NHLRC2: variants seen among roughly 807,000 people sequenced by gnomAD.
The protein encoded by NHLRC2 is NHL repeat containing 2.
NHLRC2 carries 33 observed loss-of-function variants against 68.1 expected under a neutral mutation model. That is an observed-to-expected ratio of 0.48 (90% CI 0.37 to 0.65). The LOEUF (loss-of-function observed/expected upper bound fraction) is 0.65. Ranked by LOEUF, NHLRC2 falls within the 30% of genes least tolerant of loss-of-function variation. NHLRC2 has a pLI of 0.00. For missense variants in NHLRC2, 761 were observed against 853.8 expected, an observed-to-expected ratio of 0.89 and a Z score of 1.35; for synonymous variants, 311 against 309.6, an observed-to-expected ratio of 1.00 and a Z score of -0.05.
chr10:113,863,283 A>G (rs750993451), intron 2 of NHLRC2, among the ~76,000 whole-genome samples: 30 of 152,192 alleles, frequency 2.0e-4, no homozygotes, highest in African/African-American at 7.2e-4. Flanking sequence ...TTCTGATCAC[A>G]GATGAAGTTA....
intron 5 of NHLRC2, among the ~76,000 whole-genome samples, chr10:113,887,033 C>T (rs1405700106): frequency 6.6e-6 from 1 of 152,030 alleles, no homozygotes; most frequent in Non-Finnish European, 1.5e-5. Context: ...AGAAAACAAC[C>T]TAACTAAAAT....
At position 113,913,843 on chromosome 10, in the gene NHLRC2, T is replaced by G. The variant is rs1037584219; in HGVS notation, c.*5307T>G. On this transcript the variant is annotated 3_prime_UTR_variant, in exon 11 of 11. Transcript: ENST00000369301. The stretch of plus-strand genomic sequence containing the variant: ...CATTAGGTACTTTTTGTTGTTGTTG[T>G]TTTGTTTTTTTTTTTTTTTTTTGAG... The G allele has an allele frequency of 1.4e-5, 2 of 148,026 alleles. No homozygotes were observed. The highest frequency in any genetic ancestry group is 1.3e-4 in the Admixed American group (2 of 14,948). The allele number at this position is 148,026 out of a possible 1,614,324, so 9.2% of individuals were successfully genotyped here. A position where few individuals can be genotyped will look rare whatever the true frequency, so the allele number is the denominator to read the frequency against.
At chr10:113,901,510 A>G (rs1433790513) in intron 6 of NHLRC2, among the ~76,000 whole-genome samples, 156 bp from the exon 7 acceptor site, 2 of 152,240 alleles carry the variant, frequency 1.3e-5, no homozygotes, top group Non-Finnish European at 1.5e-5. Flanking sequence ...TGATAATGAA[A>G]GCTGACTTGA....
chr10:113,864,941 TC>T (rs1334022854), intron 2 of NHLRC2, among the ~76,000 whole-genome samples: 1 of 150,920 alleles, frequency 6.6e-6, no homozygotes, highest in African/African-American at 2.4e-5. Flanking sequence ...ATGCTACAAA[TC>T]AGAGGTTTTT....
At chr10:113,872,362 A>G (rs1400015378) in intron 2 of NHLRC2, among the ~76,000 whole-genome samples, 2 of 152,180 alleles carry the variant, frequency 1.3e-5, no homozygotes, top group African/African-American at 4.8e-5. Flanking sequence ...GGGCACTCTC[A>G]AACTAGGAAC....
At position 113,910,164 on chromosome 10, in the gene NHLRC2, G is replaced by A. The variant is rs1260813013; in HGVS notation, c.*1628G>A. On this transcript the variant is annotated 3_prime_UTR_variant, in exon 11 of 11. Transcript: ENST00000369301. ...ATGAAATGTTCTGTAATAAAAGGGTGTATAACATACTCTCTTTTATGAGAA... is the reference window on the plus strand; with the variant it reads ...ATGAAATGTTCTGTAATAAAAGGGTATATAACATACTCTCTTTTATGAGAA... 1 of 152,124 alleles carries A rather than the reference G, an allele frequency of 6.6e-6. No homozygotes were observed. Among genetic ancestry groups the A allele is most frequent in the Non-Finnish European group, 1.5e-5 (1 of 68,012 alleles). The allele number at this position is 152,124 out of a possible 1,614,324, so 9.4% of individuals were successfully genotyped here.
At chr10:113,868,637 G>A (rs1161028223) in intron 2 of NHLRC2, among the ~76,000 whole-genome samples, 5 of 152,200 alleles carry the variant, frequency 3.3e-5, no homozygotes, top group Admixed American at 2.0e-4. Context: ...AACATGCATG[G>A]GACCTATGTA....
rs371672428 is a variant in NHLRC2, at chr10:113,871,205, G to T, written c.332-5316G>T. Among the ~76,000 whole-genome samples the T allele has an allele frequency of 3.6e-4, 54 of 151,914 alleles. 1 individual carries two copies. Among genetic ancestry groups the T allele is most frequent in the African/African-American group, 1.3e-3 (53 of 41,456 alleles). On this transcript the variant is annotated intron_variant, in intron 2 of 10. Coordinates refer to ENST00000369301, the MANE Select transcript of NHLRC2 (RefSeq NM_198514.4). ...ACGCCCGGCTAATTTTGTATTTTTA[G>T]TAGAGACAGAGTTTCTCCATGTTGG... is the stretch of plus-strand genomic sequence containing the variant.
Position 113,878,047 on chromosome 10 carries a change from CCAAA to C in NHLRC2, c.787+1074_787+1077del, listed in dbSNP as rs1363121368. Among the ~76,000 whole-genome samples, 3 of 152,188 alleles carry C rather than the reference CCAAA, an allele frequency of 2.0e-5. No homozygotes were observed. In the East Asian group the frequency reaches 5.8e-4, roughly 29 times the overall value. ...AGAAACCAGCAGCAAGCTACACTAC[CCAAA>C]CATAGTTCTAGAAATACTGTTATCT... On this transcript the variant is annotated intron_variant, in intron 3 of 10. Coordinates refer to ENST00000369301, the MANE Select transcript of NHLRC2 (RefSeq NM_198514.4).
At chr10:113,867,285 GCA>G (rs1311841318) in intron 2 of NHLRC2, among the ~76,000 whole-genome samples, 1 of 152,126 alleles carries the variant, frequency 6.6e-6, no homozygotes, top group Non-Finnish European at 1.5e-5. Flanking sequence ...AACTCTTTCT[GCA>G]CACACTTTAT....
chr10:113,878,662 G>A (rs945945130), intron 3 of NHLRC2, among the ~76,000 whole-genome samples: 1 of 152,008 alleles, frequency 6.6e-6, no homozygotes. Context: ...CAAGTAGCTG[G>A]GATTACAGGT....
intron 10 of NHLRC2, 65 bp downstream of exon 10, chr10:113,905,101 T>A: frequency 1.1e-6 from 1 of 890,538 alleles, no homozygotes; most frequent in Non-Finnish European, 1.7e-6. Context: ...TAGTTATTTT[T>A]TATTTGTTAG....
At chr10:113,900,842 T>C (rs550664476) in intron 6 of NHLRC2, among the ~76,000 whole-genome samples, 13 of 152,262 alleles carry the variant, frequency 8.5e-5, no homozygotes, top group African/African-American at 2.2e-4. Context: ...GTTCAGACTT[T>C]TGCATGTTGT....
At chr10:113,901,303 T>C (rs1589548270) in intron 6 of NHLRC2, among the ~76,000 whole-genome samples, 2 of 152,308 alleles carry the variant, frequency 1.3e-5, no homozygotes, top group East Asian at 1.9e-4. Context: ...GAACCTCATA[T>C]TGCATGAAAC....
chr10:113,884,151 C>A, intron 4 of NHLRC2, 100 bp from the exon 5 acceptor site: 1 of 1,047,032 alleles, frequency 9.6e-7, no homozygotes, highest in Non-Finnish European at 1.4e-6. Context: ...ACTGCACATA[C>A]ACTCTAAATG....
intron 1 of NHLRC2, 54 bp from the exon 2 acceptor site, chr10:113,858,474 G>A (rs1845782547): frequency 5.4e-6 from 7 of 1,300,002 alleles, no homozygotes; most frequent in Non-Finnish European, 7.5e-6. Flanking sequence ...GAAAGTTTTA[G>A]GTAAATTTTA....
At chr10:113,892,271 TC>T (rs1197214279) in intron 5 of NHLRC2, among the ~76,000 whole-genome samples, 2 of 152,238 alleles carry the variant, frequency 1.3e-5, no homozygotes, top group African/African-American at 4.8e-5. Flanking sequence ...ATATGTCTAA[TC>T]TCTACTGATA....
intron 1 of NHLRC2, among the ~76,000 whole-genome samples, chr10:113,856,408 C>T (rs1310114644): frequency 6.6e-6 from 1 of 152,070 alleles, no homozygotes; most frequent in African/African-American, 2.4e-5. Context: ...CTTATTTTTC[C>T]TGCTATTAAT....
chr10:113,862,174 C>T (rs1265961253), intron 2 of NHLRC2, among the ~76,000 whole-genome samples: 10 of 151,900 alleles, frequency 6.6e-5, no homozygotes, highest in Non-Finnish European at 1.5e-4. Context: ...CCACCGAGCC[C>T]GGCCTATTTT....
Sources: gnomAD v4.1 joint callset for allele counts (sites outside exome capture counted in the v4.1 genomes callset) on GRCh38, gnomAD v4.1.1 for gene constraint, MANE v1.5 for transcripts, NCBI Gene and HGNC (gene_info 2026-07-23, HGNC 2026-07-21) for gene names.